Variants in SVIL observed in about 807,000 individuals in gnomAD.
The protein encoded by SVIL is supervillin, also known as archvillin.
A neutral mutation model predicts 240.4 loss-of-function variants in SVIL; 101 were observed. The observed-to-expected ratio is 0.42, with a 90% confidence interval of 0.36 to 0.50. The LOEUF (loss-of-function observed/expected upper bound fraction) is 0.50, where lower values mean the gene tolerates loss of function less well. Ranked by LOEUF, SVIL falls within the 20% of genes least tolerant of loss-of-function variation. SVIL has a pLI of 0.01. For missense variants in SVIL, 2,512 were observed against 2,818.7 expected, an observed-to-expected ratio of 0.89 and a Z score of 2.46; for synonymous variants, 999 against 1,100.0, an observed-to-expected ratio of 0.91 and a Z score of 1.82.
At chr10:29,515,222 G>A (rs959105200) in intron 16 of SVIL, among the ~76,000 whole-genome samples, 18 of 152,154 alleles carry the variant, frequency 1.2e-4, no homozygotes, top group African/African-American at 4.1e-4. Flanking sequence ...CCTAACTCCT[G>A]TAATTCTCGA....
At chr10:29,571,180 C>T (rs1257612990) in intron 1 of SVIL, among the ~76,000 whole-genome samples, 1 of 152,180 alleles carries the variant, frequency 6.6e-6, no homozygotes, top group East Asian at 1.9e-4. Flanking sequence ...GCCTATGGTA[C>T]AGGAGAAGCA....
At chr10:29,660,707 C>T (rs987857731) in intron 2 of SVIL, among the ~76,000 whole-genome samples, 2 of 152,212 alleles carry the variant, frequency 1.3e-5, no homozygotes, top group African/African-American at 4.8e-5. Context: ...AATCTCTGCC[C>T]AGACGCTCAC....
At chr10:29,642,858 G>A (rs768683879) in intron 3 of SVIL, among the ~76,000 whole-genome samples, 4 of 152,160 alleles carry the variant, frequency 2.6e-5, no homozygotes, top group South Asian at 2.1e-4. Flanking sequence ...TAATGTTTTC[G>A]TATTTTTAGT....
chr10:29,500,349 G>C (rs567622162), intron 17 of SVIL, among the ~76,000 whole-genome samples: 33 of 152,238 alleles, frequency 2.2e-4, no homozygotes, highest in African/African-American at 7.5e-4. Flanking sequence ...GGTGGGGAGC[G>C]GGGGAGAAGC....
intron 1 of SVIL, among the ~76,000 whole-genome samples, chr10:29,574,467 G>A (rs533057067): frequency 1.3e-5 from 2 of 152,282 alleles, no homozygotes; most frequent in South Asian, 2.1e-4. Context: ...GAACCATTGG[G>A]ATGCTGACAC....
rs946032333 is a variant in SVIL, at chr10:29,673,578, G to T, written c.-301+12975C>A. ...AAGGCACGTCTTACATGGCATTAGG[G>T]GGGAGAGAGAGAGAGAGAGAGAGAG... On this transcript the variant is annotated intron_variant, in intron 2 of 35. Coordinates refer to the SVIL transcript ENST00000375400. Among the ~76,000 whole-genome samples the T allele has an allele frequency of 1.1e-4, 14 of 133,042 alleles. No individual in the cohort carries two copies. In the East Asian group the frequency reaches 1.1e-3, roughly 11 times the overall value. The allele number at this position is 133,042 out of a possible 152,430, so 87.3% of individuals were successfully genotyped here.
intron 17 of SVIL, among the ~76,000 whole-genome samples, chr10:29,501,885 A>T (rs1234456174): frequency 1.3e-5 from 2 of 152,220 alleles, no homozygotes; most frequent in African/African-American, 4.8e-5. Context: ...GTGGTGATTC[A>T]CTATTCACTT....
At chr10:29,510,540 G>A (rs1232493637) in intron 17 of SVIL, among the ~76,000 whole-genome samples, 1 of 151,426 alleles carries the variant, frequency 6.6e-6, no homozygotes, top group African/African-American at 2.4e-5. Context: ...CGTAGGAACC[G>A]TGAAGGGCGT....
chr10:29,491,203 C>A (rs1947920655), intron 21 of SVIL, among the ~76,000 whole-genome samples, 184 bp from the exon 22 acceptor site: 2 of 152,214 alleles, frequency 1.3e-5, no homozygotes, highest in African/African-American at 4.8e-5. Context: ...TGCAAGCCCA[C>A]TGAGTTCAAA....
In SVIL at chr10:29,523,528, A is replaced by G. The variant is rs1280533516; in HGVS notation, c.3086T>C (p.Leu1029Ser). The G allele has an allele frequency of 6.2e-7, 1 of 1,614,012 alleles. No homozygotes were observed. Among genetic ancestry groups the G allele is most frequent in the Non-Finnish European group, 8.5e-7 (1 of 1,180,026 alleles). The change falls in exon 15 of 38, where the codon TTG (leucine) becomes TCG (serine). Residue 1029 changes from leucine to serine, a missense_variant. Around this residue, in one of 3 missense-constraint regions of SVIL, gnomAD observed 1,443 missense variants for 1,486.6 expected, o/e 0.97. Coordinates refer to ENST00000355867, the MANE Select transcript of SVIL (RefSeq NM_021738.3). ...AAAGGGCAGCCTGTCCCTCAAGTCC[A>G]AGTTTCCTTGTGCATTCATTTTAGC... ...SMAKMNAQGN[L>S]DLRDRLPFEE...
In SVIL at chr10:29,533,234, T is replaced by G. The variant is rs775128184; in HGVS notation, c.1133A>C (p.Lys378Thr). ...TTCTGGGGTTTCTGGCGTCACTAGC[T>G]TGGCGGTGTGACCGGTATCTGCGGG... ...VQPADTGHTA[K>T]LVTPETPENA... The change falls in exon 8 of 38, where the codon AAG (lysine) becomes ACG (threonine). Residue 378 changes from lysine (K) to threonine (T), a missense_variant. Transcript: ENST00000355867. The G allele has an allele frequency of 7.4e-5, 119 of 1,614,016 alleles. No individual in the cohort carries two copies. The highest frequency in any genetic ancestry group is 2.0e-4 in the Admixed American group (12 of 59,994).
intron 1 of SVIL, among the ~76,000 whole-genome samples, chr10:29,596,668 T>G (rs1237751314): frequency 6.6e-6 from 1 of 152,198 alleles, no homozygotes; most frequent in East Asian, 1.9e-4. Context: ...ACCTCCCTTT[T>G]GTTACTTTCT....
At chr10:29,545,830 G>A (rs1241350935) in intron 6 of SVIL, among the ~76,000 whole-genome samples, 2 of 124,312 alleles carry the variant, frequency 1.6e-5, no homozygotes, top group Non-Finnish European at 3.2e-5. Flanking sequence ...ACTCCAGCTT[G>A]GAGTCAGAGT....
intron 2 of SVIL, among the ~76,000 whole-genome samples, chr10:29,683,542 G>A (rs2132593322): frequency 6.6e-6 from 1 of 152,288 alleles, no homozygotes; most frequent in East Asian, 1.9e-4. Context: ...TTTTGGAATG[G>A]CCTTGGCCAA....
At chr10:29,665,669 C>T (rs1488848347) in intron 2 of SVIL, among the ~76,000 whole-genome samples, 1 of 152,176 alleles carries the variant, frequency 6.6e-6, no homozygotes, top group African/African-American at 2.4e-5. Context: ...TGGCGGACGC[C>T]TGTAGTCCCA....
intron 6 of SVIL, among the ~76,000 whole-genome samples, chr10:29,547,167 CTAGA>C (rs1952772018): frequency 6.6e-6 from 1 of 152,114 alleles, no homozygotes; most frequent in East Asian, 1.9e-4. Flanking sequence ...TTTCCTGGTT[CTAGA>C]TAAAGACTAT....
intron 34 of SVIL, among the ~76,000 whole-genome samples, chr10:29,464,027 A>G (rs904709915): frequency 6.6e-6 from 1 of 152,232 alleles, no homozygotes. Context: ...AAAGAGCACA[A>G]TCAACACTGG....
chr10:29,520,181 A>G (rs984021953), intron 16 of SVIL, among the ~76,000 whole-genome samples: 2 of 152,250 alleles, frequency 1.3e-5, no homozygotes, highest in African/African-American at 4.8e-5. Flanking sequence ...AGCCTTTGAA[A>G]GAAGGGGGCA....
chr10:29,568,032 A>AC (rs1460459592), intron 2 of SVIL, among the ~76,000 whole-genome samples: 5 of 151,738 alleles, frequency 3.3e-5, no homozygotes, highest in African/African-American at 4.8e-5. Flanking sequence ...AAAAAACAAA[A>AC]AAAAAAACAA....
Sources: allele counts gnomAD v4.1 joint callset (sites outside exome capture counted in the v4.1 genomes callset), GRCh38; gene constraint gnomAD v4.1.1; regional missense constraint gnomAD v4.1.1; transcripts MANE v1.5; gene names NCBI Gene and HGNC (gene_info 2026-07-23, HGNC 2026-07-21).